The following SLC20A2 variants were observed in gnomAD, a reference collection of about 807,000 sequenced individuals.
SLC20A2 encodes the protein solute carrier family 20 member 2, also known as sodium-dependent phosphate transporter 2.
In SLC20A2, 30 loss-of-function variants were observed where a neutral mutation model predicts 61.0. That is an observed-to-expected ratio of 0.49 (90% CI 0.37 to 0.67). The LOEUF (loss-of-function observed/expected upper bound fraction) is 0.67, where lower values mean the gene tolerates loss of function less well. Among genes scored for constraint, SLC20A2 ranks in the 30% least tolerant of loss-of-function variants. The pLI, the probability that SLC20A2 is intolerant of heterozygous loss-of-function variation, is 0.00. For synonymous variants in SLC20A2, 351 were observed against 353.3 expected (o/e 0.99, Z 0.07); for missense variants, 626 against 866.4 (o/e 0.72, Z 3.48).
chr8:42,516,780 C>T (rs2131388228), intron 1 of SLC20A2, among the ~76,000 whole-genome samples: 1 of 152,322 alleles, frequency 6.6e-6, no homozygotes, highest in Admixed American at 6.5e-5. Context: ...GCCAATGTCT[C>T]ACCTAAACTG....
chr8:42,419,008 C>CAAAA (rs778981433), intron 10 of SLC20A2, among the ~76,000 whole-genome samples: 3 of 64,190 alleles, frequency 4.7e-5, no homozygotes, highest in African/African-American at 6.6e-5. Flanking sequence ...GACTCTGTCT[C>CAAAA]AAAAAAAAAA....
At chr8:42,470,597 G>A (rs1807555013) in intron 2 of SLC20A2, among the ~76,000 whole-genome samples, 1 of 152,062 alleles carries the variant, frequency 6.6e-6, no homozygotes, top group Non-Finnish European at 1.5e-5. Context: ...AGTACAACAG[G>A]CTGCTTCTTA....
At chr8:42,461,960 C>T (rs1806736545) in intron 4 of SLC20A2, among the ~76,000 whole-genome samples, 1 of 152,206 alleles carries the variant, frequency 6.6e-6, no homozygotes, top group Non-Finnish European at 1.5e-5. Flanking sequence ...ACAGATCTTA[C>T]AGTCAAATAG....
In SLC20A2 at chr8:42,444,751, C is replaced by T. The variant is rs780604908; in HGVS notation, c.625G>A (p.Val209Ile). Residue 209 changes from valine (V) to isoleucine (I), a missense_variant, in exon 6 of 11, where the codon GTT becomes ATT. Transcript: ENST00000520262. Reference protein sequence around the residue: ...MYTGAPVLGLVLPMWAIALIS... With the variant: ...MYTGAPVLGLILPMWAIALIS... ...AGGGCTATGGCCCACATGGGGAGAA[C>T]AAGGCCGAGCACTGGGAAGGAAAAT... 4.6e-5 allele frequency: 75 copies of T among 1,613,514 alleles called. No homozygotes were observed. Among genetic ancestry groups the T allele is most frequent in the Non-Finnish European group, 6.4e-5 (75 of 1,179,606 alleles).
At chr8:42,468,060 G>A (rs1000977037) in intron 2 of SLC20A2, among the ~76,000 whole-genome samples, 8 of 151,742 alleles carry the variant, frequency 5.3e-5, no homozygotes, top group Non-Finnish European at 7.4e-5. Flanking sequence ...CCGCTACCAC[G>A]CCCGGCTAAT....
intron 1 of SLC20A2, among the ~76,000 whole-genome samples, chr8:42,476,149 T>A (rs1384599863): frequency 7.7e-6 from 1 of 129,786 alleles, no homozygotes; most frequent in Non-Finnish European, 1.6e-5. Context: ...CAGGCTGGAG[T>A]GCAGTGGCGC....
At chr8:42,459,368 C>G (rs754087075) in intron 5 of SLC20A2, among the ~76,000 whole-genome samples, 16 of 151,946 alleles carry the variant, frequency 1.1e-4, no homozygotes, top group Non-Finnish European at 4.4e-5. Context: ...GGCTTCTAGT[C>G]TCTGGATAAA....
At chr8:42,484,328 C>T (rs996476211) in intron 1 of SLC20A2, among the ~76,000 whole-genome samples, 5 of 152,186 alleles carry the variant, frequency 3.3e-5, no homozygotes, top group African/African-American at 1.2e-4. Context: ...CAAGAGCGTT[C>T]ATTTGATTGG....
intron 3 of SLC20A2, 21 bp downstream of exon 3, chr8:42,465,756 G>A (rs144105172): frequency 6.4e-7 from 1 of 1,568,844 alleles, no homozygotes; most frequent in Admixed American, 2.0e-5. Flanking sequence ...CTTCTTATGG[G>A]TAAAAGAAAA....
At chr8:42,536,426 T>A (rs957915203) in intron 1 of SLC20A2, 1 of 152,288 alleles carries the variant, frequency 6.6e-6, no homozygotes. Context: ...GGGCACTTCC[T>A]CCTAATTCCT....
intron 5 of SLC20A2, among the ~76,000 whole-genome samples, chr8:42,453,685 A>C (rs1805914319): frequency 1.3e-5 from 2 of 152,224 alleles, no homozygotes; most frequent in Non-Finnish European, 2.9e-5. Context: ...CCCTGGAATC[A>C]AAATATTAGC....
intron 4 of SLC20A2, among the ~76,000 whole-genome samples, chr8:42,462,267 G>A (rs1190253400): frequency 1.3e-5 from 2 of 152,184 alleles, no homozygotes; most frequent in Admixed American, 1.3e-4. Flanking sequence ...GAGAAACGGT[G>A]AGGGCAAGTT....
chr8:42,519,454 A>T (rs1468249395), intron 1 of SLC20A2, among the ~76,000 whole-genome samples: 1 of 151,746 alleles, frequency 6.6e-6, no homozygotes, highest in Non-Finnish European at 1.5e-5. Flanking sequence ...AAAAAAAAAA[A>T]AAAAATTACA....
At chr8:42,452,202 TGGAGGA>T (rs1342878951) in intron 5 of SLC20A2, among the ~76,000 whole-genome samples, 5 of 65,356 alleles carry the variant, frequency 7.7e-5, no homozygotes, top group African/African-American at 3.1e-4. Flanking sequence ...GAGGAAGAGA[TGGAGGA>T]GGAGGAGGAA....
At chr8:42,470,257 G>A (rs963232887) in intron 2 of SLC20A2, among the ~76,000 whole-genome samples, 4 of 145,162 alleles carry the variant, frequency 2.8e-5, no homozygotes, top group African/African-American at 7.7e-5. Flanking sequence ...TGGCTATGTC[G>A]CCCATGCTGG....
intron 5 of SLC20A2, 84 bp from the exon 6 acceptor site, chr8:42,444,846 A>T (rs1260800875): frequency 1.2e-6 from 1 of 868,638 alleles, no homozygotes; most frequent in Non-Finnish European, 1.9e-6. Flanking sequence ...CCACTCCCCA[A>T]ATCGAGAACG....
At chr8:42,470,513 G>A (rs1390875959) in intron 2 of SLC20A2, among the ~76,000 whole-genome samples, 2 of 152,118 alleles carry the variant, frequency 1.3e-5, no homozygotes, top group Non-Finnish European at 2.9e-5. Flanking sequence ...ACAACACAAA[G>A]CGTCAAGCTG....
intron 8 of SLC20A2, among the ~76,000 whole-genome samples, chr8:42,436,705 C>T (rs1804287223): frequency 6.6e-6 from 1 of 152,212 alleles, no homozygotes; most frequent in African/African-American, 2.4e-5. Context: ...GCCACGTGGC[C>T]GCCCCTGCAC....
chr8:42,475,986 T>C (rs1430142223), intron 1 of SLC20A2, among the ~76,000 whole-genome samples: 2 of 151,988 alleles, frequency 1.3e-5, no homozygotes, highest in African/African-American at 4.8e-5. Flanking sequence ...GGGTTTTTCT[T>C]CTCTTTTGCA....
Sources: allele counts gnomAD v4.1 joint callset (sites outside exome capture counted in the v4.1 genomes callset), GRCh38; gene constraint gnomAD v4.1.1; transcripts MANE v1.5; gene names NCBI Gene and HGNC (gene_info 2026-07-23, HGNC 2026-07-21).